Variants in ESRRB observed in about 807,000 individuals in gnomAD.
The protein encoded by ESRRB is steroid hormone receptor ERR2.
In ESRRB, 16 loss-of-function variants were observed where a neutral mutation model predicts 46.0. The observed-to-expected ratio is 0.35, with a 90% CI of 0.24 to 0.53. The LOEUF (loss-of-function observed/expected upper bound fraction) is 0.53, where lower values mean the gene tolerates loss of function less well. Ranked by LOEUF, ESRRB falls within the 20% of genes least tolerant of loss-of-function variation. The pLI is 0.93. For missense variants in ESRRB, 488 were observed against 607.4 expected, an observed-to-expected ratio of 0.80 and a Z score of 2.07; for synonymous variants, 246 against 259.6, an observed-to-expected ratio of 0.95 and a Z score of 0.50.
At chr14:76,367,711 C>T (rs1365662593), upstream of ESRRB, among the ~76,000 whole-genome samples, 2 of 152,104 alleles carry the variant, frequency 1.3e-5, no homozygotes, top group Admixed American at 1.3e-4. Context: ...GAGATTTCAC[C>T]TGAGAGGGAA....
At chr14:76,321,804 G>A (rs943688738) in intron 1 of ESRRB, among the ~76,000 whole-genome samples, 25 of 151,798 alleles carry the variant, frequency 1.6e-4, no homozygotes, top group Non-Finnish European at 5.9e-5. Flanking sequence ...GGAGAATGGC[G>A]TGAACCTGGG....
chr14:76,432,195 T>C (rs1054138908), intron 1 of ESRRB, among the ~76,000 whole-genome samples: 7 of 152,168 alleles, frequency 4.6e-5, no homozygotes, highest in Non-Finnish European at 1.0e-4. Context: ...GCTCACATAC[T>C]TGGGGGCAGG....
chr14:76,333,462 A>ATATTTATATATGATATATTTATATATT (rs1191662415), intron 1 of ESRRB, among the ~76,000 whole-genome samples: 1 of 85,468 alleles, frequency 1.2e-5, no homozygotes, highest in Admixed American at 1.5e-4. Context: ...TATCATATAT[A>ATATTTATATATGATATATTTATATATT]AATATATCAT....
At position 76,488,899 on chromosome 14, in the gene ESRRB, G is replaced by A. The variant is rs534370277; in HGVS notation, c.851-2548G>A. 2.0e-4 allele frequency among the ~76,000 whole-genome samples: 30 copies of A among 152,306 alleles called. No homozygotes were observed. The South Asian group carries it at 6.2e-3, about 32-fold the overall frequency. ...ACTTTGTGCTGACTTGTGCCCCTTG[G>A]TGTGTGTCTTCCCCTTCACTGTAAA... On this transcript the variant is annotated intron_variant, in intron 5 of 6. Transcript: ENST00000644823.
intron 1 of ESRRB, among the ~76,000 whole-genome samples, chr14:76,364,699 A>AC: frequency 6.6e-6 from 1 of 151,852 alleles, no homozygotes. Context: ...CTCAAAAAAA[A>AC]AAAAATGCCC....
intron 1 of ESRRB, among the ~76,000 whole-genome samples, chr14:76,387,174 G>A (rs1272486467): frequency 6.6e-6 from 1 of 152,224 alleles, no homozygotes; most frequent in South Asian, 2.1e-4. Context: ...CTGAAGCAGA[G>A]CTAGTTGAGA....
Position 76,358,327 on chromosome 14 carries a change from G to T in ESRRB, c.2+47411G>T, listed in dbSNP as rs7493987. Among the ~76,000 whole-genome samples the T allele has an allele frequency of 1.7e-3, 19 of 11,214 alleles. 3 individuals are homozygous for T. Among genetic ancestry groups the T allele is most frequent in the Middle Eastern group, 0.025 (1 of 40 alleles). The allele number at this position is 11,214 out of a possible 152,430, so 7.4% of individuals were successfully genotyped here. ...ACTCTGTCTCAAAAAAAAAAAAAAA[G>T]AAAGAAAGAAAGAAAGAAAGAAAGA... On this transcript the variant is annotated intron_variant, in intron 1 of 6. Coordinates refer to the ESRRB transcript ENST00000512784.
chr14:76,430,769 C>A lies in ESRRB; in HGVS notation c.51-8572C>A, dbSNP rs113417211. ...CTGCTACCAGCATGCAGGCTTGTAG[C>A]CATTAAGTGGCCCAGCTGCTTGTTC... On this transcript the variant is annotated intron_variant, in intron 1 of 6. Transcript: ENST00000644823. Among the ~76,000 whole-genome samples the A allele has an allele frequency of 3.5e-3, 529 of 152,320 alleles. 3 individuals carry two copies. The highest frequency in any genetic ancestry group is 0.012 in the African/African-American group (489 of 41,562).
intron 1 of ESRRB, among the ~76,000 whole-genome samples, chr14:76,354,621 G>A (rs1884356243): frequency 6.6e-6 from 1 of 150,804 alleles, no homozygotes; most frequent in Non-Finnish European, 1.5e-5. Flanking sequence ...TGAGGGACCA[G>A]AATAAGGTGA....
chr14:76,365,995 C>A (rs1373490898), intron 1 of ESRRB, among the ~76,000 whole-genome samples: 1 of 152,190 alleles, frequency 6.6e-6, no homozygotes, highest in Non-Finnish European at 1.5e-5. Context: ...TGGTTGCCAA[C>A]TCAAGAGCCA....
chr14:76,459,889 G>C (rs557281231), intron 2 of ESRRB, among the ~76,000 whole-genome samples: 4 of 152,160 alleles, frequency 2.6e-5, no homozygotes, highest in Admixed American at 2.0e-4. Flanking sequence ...CTGGACTTGA[G>C]ACAGGGAGAG....
At chr14:76,485,547 C>T (rs1889975215) in intron 5 of ESRRB, among the ~76,000 whole-genome samples, 1 of 151,488 alleles carries the variant, frequency 6.6e-6, no homozygotes, top group African/African-American at 2.4e-5. Flanking sequence ...TGGCCAGGTG[C>T]CTGATATTTT....
chr14:76,499,994 C>G lies in ESRRB; in HGVS notation c.*1536C>G. ...ACTCCCCGGGGATCCCCAATCCACG[C>G]CCTTCTAGTCCAACCCCCCTCAATG... On this transcript the variant is annotated 3_prime_UTR_variant, in exon 7 of 7. Transcript: ENST00000644823. The G allele has an allele frequency of 6.3e-7, 1 of 1,579,368 alleles. No homozygotes were observed. Among genetic ancestry groups the G allele is most frequent in the Non-Finnish European group, 8.6e-7 (1 of 1,161,584 alleles).
intron 3 of ESRRB, among the ~76,000 whole-genome samples, chr14:76,464,250 G>A (rs760307011): frequency 2.0e-5 from 3 of 152,176 alleles, no homozygotes; most frequent in Non-Finnish European, 4.4e-5. Flanking sequence ...TCCTGGAGGG[G>A]GAAGGCTAGG....
chr14:76,358,649 T>C (rs1288375205), intron 1 of ESRRB, among the ~76,000 whole-genome samples: 2 of 152,246 alleles, frequency 1.3e-5, no homozygotes, highest in Non-Finnish European at 2.9e-5. Context: ...TAAGACATGG[T>C]GATCACCTTG....
intron 1 of ESRRB, among the ~76,000 whole-genome samples, chr14:76,342,488 G>A (rs1209460265): frequency 6.6e-6 from 1 of 152,228 alleles, no homozygotes; most frequent in Non-Finnish European, 1.5e-5. Context: ...CCTGACACCT[G>A]TCATGATGCT....
chr14:76,329,942 G>A (rs977867760), intron 1 of ESRRB, among the ~76,000 whole-genome samples: 1 of 139,828 alleles, frequency 7.2e-6, no homozygotes, highest in Admixed American at 7.9e-5. Flanking sequence ...TAATAACTTT[G>A]CTTGTCCTTG....
chr14:76,431,443 A>G (rs577494970), intron 1 of ESRRB, among the ~76,000 whole-genome samples: 2 of 152,298 alleles, frequency 1.3e-5, no homozygotes, highest in Admixed American at 1.3e-4. Context: ...GCATTAGGAA[A>G]ATCTTCAACC....
At chr14:76,385,084 T>C (rs1004414769) in intron 1 of ESRRB, among the ~76,000 whole-genome samples, 11 of 152,186 alleles carry the variant, frequency 7.2e-5, no homozygotes, top group Non-Finnish European at 1.3e-4. Flanking sequence ...TTTCCTTTTT[T>C]GTATATGTAT....
Sources: allele counts gnomAD v4.1 joint callset (sites outside exome capture counted in the v4.1 genomes callset), GRCh38; gene constraint gnomAD v4.1.1; transcripts MANE v1.5; gene names NCBI Gene and HGNC (gene_info 2026-07-23, HGNC 2026-07-21).